PARD3: variants seen among roughly 807,000 people sequenced by gnomAD.
PARD3 encodes partitioning defective 3 homolog.
PARD3 carries 75 observed loss-of-function variants against 155.4 expected under a neutral mutation model. That is an observed-to-expected ratio of 0.48 (90% CI 0.40 to 0.58). PARD3 has a LOEUF of 0.58. Ranked by LOEUF, PARD3 falls within the 20% of genes least tolerant of loss-of-function variation. The pLI is 0.00. For missense variants in PARD3, 1,642 were observed against 1,721.7 expected (o/e 0.95, Z 0.82); for synonymous variants, 576 against 610.5 (o/e 0.94, Z 0.83).
rs1343602757 is a variant in PARD3, at chr10:34,284,261, A to G, written c.3066-16T>C. 3 of 1,463,362 alleles carry G rather than the reference A, an allele frequency of 2.1e-6. No individual in the cohort carries two copies. The Admixed American group carries it at 5.3e-5, about 26-fold the overall frequency. The allele number at this position is 1,463,362 out of a possible 1,614,324, so 90.6% of individuals were successfully genotyped here. A position where few individuals can be genotyped will look rare whatever the true frequency, so the allele number is the denominator to read the frequency against. ...TTTGCCAAACCTGTTAATAACAAAA[A>G]ATTCTAACTTGTCAATATATACAAA... On this transcript the variant is annotated splice_polypyrimidine_tract_variant and intron_variant, in intron 20 of 24. Coordinates refer to ENST00000374788, the MANE Select transcript of PARD3 (RefSeq NM_001184785.2).
intron 22 of PARD3, among the ~76,000 whole-genome samples, chr10:34,221,388 C>CTT (rs3039277): frequency 0.12 from 14,743 of 119,588 alleles, 1,094 homozygotes; most frequent in Middle Eastern, 0.2. Flanking sequence ...CAGGACTTGC[C>CTT]TTTTTTTTTT....
intron 2 of PARD3, among the ~76,000 whole-genome samples, chr10:34,521,733 C>T (rs569980467): frequency 2.0e-5 from 3 of 152,258 alleles, no homozygotes; most frequent in African/African-American, 7.2e-5. Context: ...CAGAACCCCC[C>T]AACAGAAAAC....
chr10:34,531,785 T>A (rs1302758571), intron 2 of PARD3, among the ~76,000 whole-genome samples: 1 of 152,172 alleles, frequency 6.6e-6, no homozygotes, highest in Non-Finnish European at 1.5e-5. Context: ...CCAGCATCAC[T>A]AGTGGCACTT....
intron 22 of PARD3, among the ~76,000 whole-genome samples, chr10:34,154,105 G>A (rs1164527896): frequency 6.6e-6 from 1 of 152,138 alleles, no homozygotes; most frequent in Non-Finnish European, 1.5e-5. Context: ...GATAAAACTT[G>A]TTCTCCAGTA....
intron 22 of PARD3, among the ~76,000 whole-genome samples, chr10:34,207,627 C>T (rs980534593): frequency 1.3e-5 from 2 of 152,172 alleles, no homozygotes; most frequent in African/African-American, 2.4e-5. Context: ...GTGTACTCTA[C>T]CTTTTCTTTT....
intron 2 of PARD3, among the ~76,000 whole-genome samples, chr10:34,644,616 T>C (rs1159719923): frequency 2.6e-5 from 4 of 152,198 alleles, no homozygotes; most frequent in African/African-American, 9.6e-5. Context: ...GGACAAAAGA[T>C]GTACCTTGAC....
At chr10:34,587,958 A>T (rs2088258939) in intron 2 of PARD3, among the ~76,000 whole-genome samples, 1 of 152,166 alleles carries the variant, frequency 6.6e-6, no homozygotes, top group Non-Finnish European at 1.5e-5. Context: ...CCAGTTCAAA[A>T]TTCTGAATCA....
chr10:34,260,163 T>C (rs1954881871), intron 22 of PARD3, among the ~76,000 whole-genome samples: 1 of 152,088 alleles, frequency 6.6e-6, no homozygotes. Flanking sequence ...TTTGTAAAGA[T>C]GGGTTTTCGC....
chr10:34,417,530 T>C (rs774352523), intron 5 of PARD3, among the ~76,000 whole-genome samples: 29 of 152,202 alleles, frequency 1.9e-4, no homozygotes, highest in African/African-American at 5.5e-4. Context: ...TAAGTTGCAA[T>C]AGAAATTCTT....
At chr10:34,196,929 C>T (rs905867782) in intron 22 of PARD3, among the ~76,000 whole-genome samples, 1 of 152,106 alleles carries the variant, frequency 6.6e-6, no homozygotes, top group Non-Finnish European at 1.5e-5. Flanking sequence ...GCCTCCCATG[C>T]TAATTCTTTT....
At chr10:34,491,498 T>C (rs959465971) in intron 3 of PARD3, among the ~76,000 whole-genome samples, 18 of 152,260 alleles carry the variant, frequency 1.2e-4, no homozygotes, top group African/African-American at 4.3e-4. Context: ...TGTTTATGTT[T>C]GTCCCTCTTG....
chr10:34,638,580 G>T (rs556878550), intron 2 of PARD3, among the ~76,000 whole-genome samples: 42 of 152,304 alleles, frequency 2.8e-4, no homozygotes, highest in African/African-American at 9.6e-4. Context: ...TCTGGGAAGT[G>T]CAGGCGCAGG....
At position 34,761,984 on chromosome 10, in the gene PARD3, A is replaced by G. The variant is rs556458508; in HGVS notation, c.120+52892T>C. 6.6e-5 allele frequency among the ~76,000 whole-genome samples: 10 copies of G among 152,352 alleles called. No homozygotes were observed. In the South Asian group the frequency reaches 2.1e-3, roughly 32 times the overall value. On this transcript the variant is annotated intron_variant, in intron 1 of 24. Coordinates refer to ENST00000374788, the MANE Select transcript of PARD3 (RefSeq NM_001184785.2). ...ATAAATACAGGTATACGTGATTTGA[A>G]CACAGCCACAAAAGAGCATTCAATT...
At chr10:34,542,941 A>G (rs552563797) in intron 2 of PARD3, among the ~76,000 whole-genome samples, 1 of 152,194 alleles carries the variant, frequency 6.6e-6, no homozygotes, top group Non-Finnish European at 1.5e-5. Flanking sequence ...ATGATAAGAC[A>G]ATTCTCACTC....
At chr10:34,381,579 T>C (rs564058485) in intron 9 of PARD3, among the ~76,000 whole-genome samples, 17 of 152,092 alleles carry the variant, frequency 1.1e-4, no homozygotes, top group African/African-American at 3.6e-4. Flanking sequence ...AAATACATAA[T>C]GGATGGAAGA....
chr10:34,731,331 G>A (rs927644088), intron 1 of PARD3, among the ~76,000 whole-genome samples: 2 of 152,188 alleles, frequency 1.3e-5, no homozygotes, highest in Admixed American at 1.3e-4. Context: ...TTGGAGAGCT[G>A]TTCACTACCT....
At chr10:34,332,304 A>G (rs1011838707) in intron 18 of PARD3, among the ~76,000 whole-genome samples, 1 of 152,146 alleles carries the variant, frequency 6.6e-6, no homozygotes, top group Non-Finnish European at 1.5e-5. Context: ...CTGACCTGAT[A>G]CTCAAAGGTA....
chr10:34,712,589 A>C (rs2094463443), intron 1 of PARD3, among the ~76,000 whole-genome samples: 1 of 152,238 alleles, frequency 6.6e-6, no homozygotes, highest in African/African-American at 2.4e-5. Flanking sequence ...AGCATAGCTT[A>C]GGCTCAGACG....
At chr10:34,292,552 T>C (rs1956724644) in intron 20 of PARD3, among the ~76,000 whole-genome samples, 1 of 152,316 alleles carries the variant, frequency 6.6e-6, no homozygotes, top group East Asian at 1.9e-4. Flanking sequence ...GACAGGATGC[T>C]GTTTTAAGTT....
Sources: gnomAD v4.1 joint callset for allele counts (sites outside exome capture counted in the v4.1 genomes callset) on GRCh38, gnomAD v4.1.1 for gene constraint, MANE v1.5 for transcripts, NCBI Gene and HGNC (gene_info 2026-07-23, HGNC 2026-07-21) for gene names.